Variants in IGSF21 observed in about 807,000 individuals in gnomAD.
IGSF21 encodes the protein immunoglobin superfamily member 21, also known as immunoglobulin superfamily member 21.
Under a neutral mutation model 46.8 loss-of-function variants are expected in IGSF21, and 28 were observed. That is an observed-to-expected ratio of 0.60 (90% CI 0.44 to 0.82). The LOEUF is 0.82. Ranked by LOEUF, IGSF21 falls within the 40% of genes least tolerant of loss-of-function variation. The pLI, the probability that IGSF21 is intolerant of heterozygous loss-of-function variation, is 0.00. For missense variants in IGSF21, 624 were observed against 665.5 expected, an observed-to-expected ratio of 0.94 and a Z score of 0.69; for synonymous variants, 284 against 273.6, an observed-to-expected ratio of 1.04 and a Z score of -0.38.
intron 2 of IGSF21, among the ~76,000 whole-genome samples, chr1:18,282,339 C>G (rs1242718791): frequency 6.6e-6 from 1 of 152,116 alleles, no homozygotes; most frequent in African/African-American, 2.4e-5. Flanking sequence ...CCACTCTGGC[C>G]CAGGTGATTC....
At chr1:18,121,714 TG>T (rs1321270522) in intron 1 of IGSF21, among the ~76,000 whole-genome samples, 1 of 152,126 alleles carries the variant, frequency 6.6e-6, no homozygotes, top group Non-Finnish European at 1.5e-5. Context: ...ACGTGCTCAG[TG>T]GTGTGTGACC....
chr1:18,374,118 A>C lies in IGSF21; in HGVS notation c.1016-2192A>C, dbSNP rs1447970152. On this transcript the variant is annotated intron_variant, in intron 6 of 9. Coordinates refer to ENST00000251296, the MANE Select transcript of IGSF21 (RefSeq NM_032880.5). ...CTGCAGCCAACAATGCCGCCCCAGC[A>C]GCACCTGAAGAACGTAAAGAGCCCC... Among the ~76,000 whole-genome samples the C allele has an allele frequency of 2.6e-5, 4 of 152,192 alleles. No homozygotes were observed. The South Asian group carries it at 8.3e-4, about 31-fold the overall frequency.
chr1:18,283,654 C>A (rs546642573), intron 2 of IGSF21, among the ~76,000 whole-genome samples: 2 of 152,184 alleles, frequency 1.3e-5, no homozygotes, highest in East Asian at 3.9e-4. Flanking sequence ...CCTTCATTCC[C>A]CTCACCTCTT....
In IGSF21 at chr1:18,140,088, G is replaced by T. The variant is rs538493507; in HGVS notation, c.70+31890G>T. On this transcript the variant is annotated intron_variant, in intron 1 of 9. Coordinates refer to ENST00000251296, the MANE Select transcript of IGSF21 (RefSeq NM_032880.5). ...GCCTCCTGAGTAGCTGAGCCTACAGGTGTGCACCACCGTGCCTGGCTGATT... is the reference window on the plus strand; with the variant it reads ...GCCTCCTGAGTAGCTGAGCCTACAGTTGTGCACCACCGTGCCTGGCTGATT... Among the ~76,000 whole-genome samples the T allele has an allele frequency of 3.3e-5, 5 of 152,212 alleles. No individual in the cohort carries two copies. The South Asian group carries it at 1.0e-3, about 32-fold the overall frequency.
intron 2 of IGSF21, among the ~76,000 whole-genome samples, chr1:18,255,074 A>G (rs1429979407): frequency 6.6e-6 from 1 of 152,218 alleles, no homozygotes; most frequent in Non-Finnish European, 1.5e-5. Flanking sequence ...GACCCCAGCG[A>G]AAGTGACAAA....
chr1:18,296,542 C>G (rs890071244), intron 3 of IGSF21, among the ~76,000 whole-genome samples: 1 of 152,138 alleles, frequency 6.6e-6, no homozygotes, highest in Non-Finnish European at 1.5e-5. Context: ...GAAGATGCTG[C>G]CTTCCTCCAG....
At chr1:18,108,562 T>C (rs1307837171) in intron 1 of IGSF21, among the ~76,000 whole-genome samples, 1 of 150,928 alleles carries the variant, frequency 6.6e-6, no homozygotes, top group Non-Finnish European at 1.5e-5. Flanking sequence ...AGGGTCTGGA[T>C]GGGTGTTAGA....
intron 2 of IGSF21, among the ~76,000 whole-genome samples, chr1:18,267,999 G>A (rs958558736): frequency 4.6e-5 from 7 of 152,218 alleles, no homozygotes; most frequent in Admixed American, 6.5e-5. Context: ...TATCTAGAAC[G>A]AGAACACCAC....
At chr1:18,320,340 A>G (rs2085588789) in intron 3 of IGSF21, among the ~76,000 whole-genome samples, 1 of 75,488 alleles carries the variant, frequency 1.3e-5, no homozygotes, top group Non-Finnish European at 4.4e-5. Context: ...AGCGCAGGAC[A>G]GTCAAACATA....
intron 4 of IGSF21, among the ~76,000 whole-genome samples, chr1:18,336,228 A>G (rs2085764416): frequency 6.6e-6 from 1 of 152,222 alleles, no homozygotes; most frequent in African/African-American, 2.4e-5. Context: ...TAGATGAATC[A>G]AAAAGAGCCT....
Position 18,276,629 on chromosome 1 carries a change from C to T in IGSF21, c.184-15237C>T, listed in dbSNP as rs552173942. Among the ~76,000 whole-genome samples the T allele has an allele frequency of 5.9e-5, 9 of 152,266 alleles. No homozygotes were observed. In the South Asian group the frequency reaches 8.3e-4, roughly 14 times the overall value. On this transcript the variant is annotated intron_variant, in intron 2 of 9. Coordinates refer to ENST00000251296, the MANE Select transcript of IGSF21 (RefSeq NM_032880.5). ...GCCATCTTTCATCTACCACACATTC[C>T]TTCCTCTCATTATCATCACCTTCTT...
intron 4 of IGSF21, among the ~76,000 whole-genome samples, chr1:18,352,917 CG>C (rs2085972831): frequency 6.6e-6 from 1 of 152,158 alleles, no homozygotes. Flanking sequence ...CCACTCAGAA[CG>C]GCCCCCATCT....
rs917028446 is a variant in IGSF21, at chr1:18,186,969, C to T, written c.71-40929C>T. 3.9e-5 allele frequency among the ~76,000 whole-genome samples: 6 copies of T among 152,212 alleles called. No individual in the cohort carries two copies. In the East Asian group the frequency reaches 5.8e-4, roughly 15 times the overall value. ...TCAACACACTTATTTTTGTAACCAT[C>T]ATCCCTCCTGTGACCATCGTTTTAA... On this transcript the variant is annotated intron_variant, in intron 1 of 9. Coordinates refer to ENST00000251296, the MANE Select transcript of IGSF21 (RefSeq NM_032880.5).
intron 2 of IGSF21, among the ~76,000 whole-genome samples, chr1:18,231,241 C>T (rs919899072): frequency 1.3e-5 from 2 of 152,208 alleles, no homozygotes; most frequent in Admixed American, 1.3e-4. Flanking sequence ...AGGGATCATC[C>T]TGAGCTGTCA....
intron 2 of IGSF21, among the ~76,000 whole-genome samples, chr1:18,234,772 A>T (rs2084658169): frequency 6.6e-6 from 1 of 152,106 alleles, no homozygotes; most frequent in Admixed American, 6.5e-5. Flanking sequence ...CCTTTCACGA[A>T]CTTGGGAACC....
intron 2 of IGSF21, among the ~76,000 whole-genome samples, chr1:18,277,403 C>T (rs1194411880): frequency 6.6e-6 from 1 of 152,208 alleles, no homozygotes; most frequent in Non-Finnish European, 1.5e-5. Context: ...CCTTCAGAGG[C>T]CAAACTCCCC....
chr1:18,151,043 C>T (rs1335561582), intron 1 of IGSF21, among the ~76,000 whole-genome samples: 5 of 152,304 alleles, frequency 3.3e-5, no homozygotes, highest in African/African-American at 7.2e-5. Context: ...GCAAGGTCTC[C>T]GGATGGCTGT....
intron 1 of IGSF21, among the ~76,000 whole-genome samples, chr1:18,149,618 G>T (rs760678853): frequency 1.9e-4 from 28 of 151,022 alleles, no homozygotes; most frequent in South Asian, 6.4e-4. Flanking sequence ...TGGCAGGCCA[G>T]CCTGACAGCT....
Position 18,337,261 on chromosome 1 carries a change from G to T in IGSF21, c.424+2251G>T, listed in dbSNP as rs1286384977. Among the ~76,000 whole-genome samples, 1 of 152,124 alleles carries T rather than the reference G, an allele frequency of 6.6e-6. No individual in the cohort carries two copies. The highest frequency in any genetic ancestry group is 2.4e-5 in the African/African-American group (1 of 41,416). On this transcript the variant is annotated intron_variant, in intron 4 of 9. Coordinates refer to ENST00000251296, the MANE Select transcript of IGSF21 (RefSeq NM_032880.5). This position sits in a 1 kb window ranked among gnomAD's most constrained non-coding sequence, Gnocchi z 5.7. ...CTGATGGTCTCTGCTGAGCAAGGGA[G>T]TGTGCTCCTGTGGGCCTCAATTTCC...
Sources: gnomAD v4.1 joint callset for allele counts (sites outside exome capture counted in the v4.1 genomes callset) on GRCh38, gnomAD v4.1.1 for gene constraint, Gnocchi (gnomAD v3.1) non-coding constraint, MANE v1.5 for transcripts, NCBI Gene and HGNC (gene_info 2026-07-23, HGNC 2026-07-21) for gene names.